The following GALNTL6 variants were observed in gnomAD, a reference collection of about 807,000 sequenced individuals.
GALNTL6 encodes polypeptide N-acetylgalactosaminyltransferase like 6.
A neutral mutation model predicts 73.7 loss-of-function variants in GALNTL6; 46 were observed. The ratio of observed to expected loss-of-function variants is 0.62; its 90% CI spans 0.49 to 0.80. The LOEUF (loss-of-function observed/expected upper bound fraction) is 0.80. Ranked by LOEUF, GALNTL6 falls within the 30% of genes least tolerant of loss-of-function variation. The pLI is 0.00. For missense variants in GALNTL6, 604 were observed against 755.0 expected, an observed-to-expected ratio of 0.80 and a Z score of 2.34; for synonymous variants, 259 against 263.7, an observed-to-expected ratio of 0.98 and a Z score of 0.17.
chr4:171,874,377 A>G (rs1560822275), intron 2 of GALNTL6, among the ~76,000 whole-genome samples: 1 of 152,118 alleles, frequency 6.6e-6, no homozygotes, highest in Non-Finnish European at 1.5e-5. Context: ...TTTAGTCGAG[A>G]CAGGGTTTCA....
intron 5 of GALNTL6, among the ~76,000 whole-genome samples, chr4:172,681,966 C>T (rs1732653645): frequency 6.6e-6 from 1 of 152,172 alleles, no homozygotes; most frequent in African/African-American, 2.4e-5. Flanking sequence ...TTAGAACCTC[C>T]CCCTCTGTTT....
intron 2 of GALNTL6, among the ~76,000 whole-genome samples, chr4:171,846,625 A>C (rs1286463176): frequency 6.6e-6 from 1 of 151,828 alleles, no homozygotes; most frequent in East Asian, 1.9e-4. Flanking sequence ...TACTAGATGT[A>C]TTTAGGATTT....
intron 2 of GALNTL6, among the ~76,000 whole-genome samples, chr4:172,013,511 C>A (rs1741086495): frequency 6.6e-6 from 1 of 151,750 alleles, no homozygotes; most frequent in Admixed American, 6.6e-5. Context: ...TTAAGATTAA[C>A]TAGTATATAA....
At chr4:172,718,617 G>A (rs116146258) in intron 5 of GALNTL6, among the ~76,000 whole-genome samples, 2,679 of 151,976 alleles carry the variant, frequency 0.018, 81 homozygotes, top group African/African-American at 0.06. Flanking sequence ...TAGCCTGGGT[G>A]ACAGGGCAAG....
At chr4:172,629,135 T>C (rs1739283301) in intron 5 of GALNTL6, among the ~76,000 whole-genome samples, 1 of 152,148 alleles carries the variant, frequency 6.6e-6, no homozygotes, top group Admixed American at 6.6e-5. Context: ...TATCTGTGTC[T>C]TGTGTGTGCC....
intron 2 of GALNTL6, among the ~76,000 whole-genome samples, chr4:171,873,222 A>G (rs1736185323): frequency 6.6e-6 from 1 of 152,194 alleles, no homozygotes; most frequent in African/African-American, 2.4e-5. Context: ...CAGAAGAAAC[A>G]ACATATTGGA....
At chr4:171,911,925 T>C (rs1041521462) in intron 2 of GALNTL6, among the ~76,000 whole-genome samples, 2 of 152,192 alleles carry the variant, frequency 1.3e-5, no homozygotes, top group African/African-American at 4.8e-5. Flanking sequence ...TTATTGGTAA[T>C]TGGAGAAAAT....
chr4:172,160,891 G>GAC (rs770975013), intron 2 of GALNTL6, among the ~76,000 whole-genome samples: 294 of 110,912 alleles, frequency 2.7e-3, no homozygotes, highest in South Asian at 0.011. Flanking sequence ...TATATATATA[G>GAC]ACACACACAC....
chr4:172,552,867 C>T (rs1036073273), intron 5 of GALNTL6, among the ~76,000 whole-genome samples: 7 of 76,238 alleles, frequency 9.2e-5, no homozygotes, highest in Non-Finnish European at 1.7e-4. Flanking sequence ...AGGTAAAAAC[C>T]GCAATTACTT....
At chr4:172,830,894 G>A (rs546130711) in intron 7 of GALNTL6, among the ~76,000 whole-genome samples, 7 of 152,208 alleles carry the variant, frequency 4.6e-5, no homozygotes, top group Middle Eastern at 3.4e-3. Context: ...GAGCAGTAGC[G>A]CACGCCTGTA....
intron 5 of GALNTL6, among the ~76,000 whole-genome samples, chr4:172,706,512 G>T (rs1008126539): frequency 4.6e-5 from 7 of 151,924 alleles, no homozygotes; most frequent in African/African-American, 1.7e-4. Context: ...CTTGTTTTCT[G>T]TGGACTTATG....
intron 2 of GALNTL6, among the ~76,000 whole-genome samples, chr4:172,197,459 A>G (rs900923729): frequency 6.6e-6 from 1 of 152,160 alleles, no homozygotes; most frequent in African/African-American, 2.4e-5. Flanking sequence ...TTCATATCAA[A>G]CCAAAAAAGA....
chr4:171,978,049 C>T (rs903645807), intron 2 of GALNTL6, among the ~76,000 whole-genome samples: 18 of 152,128 alleles, frequency 1.2e-4, no homozygotes, highest in Admixed American at 1.1e-3. Flanking sequence ...ATGGCAAAAA[C>T]CGCCATTACT....
At chr4:172,898,192 C>G (rs1394069316) in intron 8 of GALNTL6, among the ~76,000 whole-genome samples, 1 of 151,910 alleles carries the variant, frequency 6.6e-6, no homozygotes, top group Non-Finnish European at 1.5e-5. Flanking sequence ...CAGTGTACAG[C>G]TCTTCTTCAT....
At position 172,954,666 on chromosome 4, in the gene GALNTL6, A is replaced by G. The variant is rs114496883; in HGVS notation, c.1371+2408A>G. Among the ~76,000 whole-genome samples the G allele has an allele frequency of 3.8e-3, 586 of 152,234 alleles. 3 individuals are homozygous for G. Among genetic ancestry groups the G allele is most frequent in the African/African-American group, 0.013 (559 of 41,554 alleles). ...AATTTTTTGTAGAGACTAGGTCTCA[A>G]TATGTTGCCCATGCTGATCTTGAAC... On this transcript the variant is annotated intron_variant, in intron 10 of 12. Coordinates refer to ENST00000506823, the MANE Select transcript of GALNTL6 (RefSeq NM_001034845.3).
At chr4:172,620,280 G>A (rs192708572) in intron 5 of GALNTL6, among the ~76,000 whole-genome samples, 102 of 147,272 alleles carry the variant, frequency 6.9e-4, no homozygotes, top group Admixed American at 1.4e-3. Flanking sequence ...ATTCATGAAC[G>A]TGAATTGTGC....
chr4:172,733,890 G>A lies in GALNTL6; in HGVS notation c.554-75471G>A, dbSNP rs7696343. ...CTCCTATAAGGATACCTGAAAATGT[G>A]GAAGCGACTTAGAAACTGGGTAACA... is the stretch of plus-strand genomic sequence containing the variant. On this transcript the variant is annotated intron_variant, in intron 5 of 12. Transcript: ENST00000506823. Among the ~76,000 whole-genome samples, 1,220 of 152,288 alleles carry A rather than the reference G, an allele frequency of 8.0e-3. 18 individuals are homozygous for A. The highest frequency in any genetic ancestry group is 0.028 in the African/African-American group (1,178 of 41,564).
intron 3 of GALNTL6, among the ~76,000 whole-genome samples, chr4:172,251,078 A>G (rs1348289789): frequency 6.6e-6 from 1 of 152,156 alleles, no homozygotes; most frequent in Admixed American, 6.6e-5. Flanking sequence ...ATATATGTAT[A>G]TGGAGAGATT....
At chr4:172,448,497 A>C (rs1251096347) in intron 5 of GALNTL6, among the ~76,000 whole-genome samples, 3 of 152,186 alleles carry the variant, frequency 2.0e-5, no homozygotes. Context: ...GAACATTGAC[A>C]CATCAGAAGT....
Sources: gnomAD v4.1 joint callset for allele counts (sites outside exome capture counted in the v4.1 genomes callset) on GRCh38, gnomAD v4.1.1 for gene constraint, MANE v1.5 for transcripts, NCBI Gene and HGNC (gene_info 2026-07-23, HGNC 2026-07-21) for gene names.